Variants in EXOC6B observed in about 807,000 individuals in gnomAD.
The protein encoded by EXOC6B is exocyst complex component 6B, also known as SEC15 homolog B.
EXOC6B carries 54 observed loss-of-function variants against 113.5 expected under a neutral mutation model. The ratio of observed to expected loss-of-function variants is 0.48; its 90% CI spans 0.38 to 0.60. EXOC6B has a LOEUF of 0.60. Among genes scored for constraint, EXOC6B ranks in the 20% least tolerant of loss-of-function variants. EXOC6B has a pLI of 0.00. For synonymous variants in EXOC6B, 357 were observed against 339.0 expected (o/e 1.05, Z -0.58); for missense variants, 797 against 977.5 (o/e 0.82, Z 2.46).
At chr2:72,289,943 A>C (rs1685683047) in intron 20 of EXOC6B, among the ~76,000 whole-genome samples, 1 of 152,210 alleles carries the variant, frequency 6.6e-6, no homozygotes, top group Admixed American at 6.5e-5. Flanking sequence ...AATCAGTTGA[A>C]GGCCTGAAAA....
At chr2:72,631,431 T>C (rs1401374564) in intron 6 of EXOC6B, among the ~76,000 whole-genome samples, 1 of 13,016 alleles carries the variant, frequency 7.7e-5, no homozygotes, top group Admixed American at 1.0e-3. Context: ...TGTGTGTATA[T>C]ATATATATAT....
At chr2:72,265,239 T>TTTTTTATTA (rs369845723) in intron 20 of EXOC6B, among the ~76,000 whole-genome samples, 1 of 146,848 alleles carries the variant, frequency 6.8e-6, no homozygotes, top group African/African-American at 2.5e-5. Context: ...TAACTATTCT[T>TTTTTTATTA]TTATTATTAT....
intron 1 of EXOC6B, among the ~76,000 whole-genome samples, chr2:72,791,233 G>A (rs768979065): frequency 2.1e-4 from 32 of 152,078 alleles, no homozygotes; most frequent in Non-Finnish European, 3.2e-4. Flanking sequence ...GTATTACTCC[G>A]TATCCTACAA....
chr2:72,823,150 T>TA (rs778304758), intron 1 of EXOC6B, among the ~76,000 whole-genome samples: 24,726 of 73,476 alleles, frequency 0.34, 4,206 homozygotes, highest in African/African-American at 0.55. Context: ...TGTAATCTGC[T>TA]AAAAAAAAAA....
intron 6 of EXOC6B, among the ~76,000 whole-genome samples, chr2:72,667,147 G>A (rs770221340): frequency 3.3e-5 from 5 of 152,240 alleles, no homozygotes; most frequent in Admixed American, 1.3e-4. Flanking sequence ...ACAGGCGTGA[G>A]CCATCATGCC....
At position 72,636,635 on chromosome 2, in the gene EXOC6B, T is replaced by C. The variant is rs558070099; in HGVS notation, c.670-60967A>G. Among the ~76,000 whole-genome samples the C allele has an allele frequency of 3.3e-5, 5 of 152,264 alleles. No homozygotes were observed. The East Asian group carries it at 9.7e-4, about 29-fold the overall frequency. The stretch of plus-strand genomic sequence containing the variant: ...AAAAAAATGTTGACAAAATCCAACA[T>C]CCATTCATGATACAAATTCTCAGAA... On this transcript the variant is annotated intron_variant, in intron 6 of 21. Transcript: ENST00000272427.
intron 6 of EXOC6B, among the ~76,000 whole-genome samples, chr2:72,651,033 C>T (rs904204201): frequency 2.0e-4 from 30 of 152,192 alleles, no homozygotes; most frequent in African/African-American, 6.7e-4. Context: ...ACTAGTATCA[C>T]CCAAGTATTC....
chr2:72,761,356 C>T (rs561447742), intron 1 of EXOC6B, among the ~76,000 whole-genome samples: 27 of 152,238 alleles, frequency 1.8e-4, no homozygotes, highest in African/African-American at 6.3e-4. Context: ...TCTACTGTGA[C>T]CCCAATCATC....
intron 17 of EXOC6B, among the ~76,000 whole-genome samples, chr2:72,471,498 T>C (rs1182643027): frequency 6.6e-6 from 1 of 152,212 alleles, no homozygotes; most frequent in Non-Finnish European, 1.5e-5. Context: ...TTGTCTTTTG[T>C]TGCCATTGCT....
At chr2:72,365,338 G>GA (rs529643188) in intron 19 of EXOC6B, among the ~76,000 whole-genome samples, 18 of 151,114 alleles carry the variant, frequency 1.2e-4, no homozygotes, top group Non-Finnish European at 1.9e-4. Context: ...TTTCCAGTGT[G>GA]AAAAAAAAAT....
At chr2:72,573,200 G>C (rs928352060) in intron 7 of EXOC6B, among the ~76,000 whole-genome samples, 11 of 152,110 alleles carry the variant, frequency 7.2e-5, no homozygotes, top group Admixed American at 6.5e-5. Flanking sequence ...TAAGAACTGT[G>C]TATATATTTT....
chr2:72,666,780 GACACACAC>G lies in EXOC6B; in HGVS notation c.669+51315_669+51322del, dbSNP rs71404724. On this transcript the variant is annotated intron_variant, in intron 6 of 21. Coordinates refer to ENST00000272427, the MANE Select transcript of EXOC6B (RefSeq NM_015189.3). Reference sequence around the variant, plus strand: ...CAAGAATGCAATCCCATTTACAATAGACACACACACACACACACACACACACACACACA... The same window carrying G: ...CAAGAATGCAATCCCATTTACAATAGACACACACACACACACACACACACA... Among the ~76,000 whole-genome samples the G allele has an allele frequency of 1.1e-3, 93 of 81,240 alleles. 1 individual carries two copies. In the South Asian group the frequency reaches 0.023, roughly 20 times the overall value. 53.3% of individuals were successfully genotyped at this position (81,240 alleles called of 152,430 possible).
intron 1 of EXOC6B, among the ~76,000 whole-genome samples, chr2:72,767,815 A>AAAAAAAAAAAAAAAAAAAAAAAAC (rs1308289340): frequency 7.5e-6 from 1 of 133,992 alleles, no homozygotes; most frequent in Non-Finnish European, 1.6e-5. Flanking sequence ...TGTTAAAAAA[A>AAAAAAAAAAAAAAAAAAAAAAAAC]AAAAAAAAAA....
At chr2:72,673,498 T>C (rs1011910482) in intron 6 of EXOC6B, among the ~76,000 whole-genome samples, 6 of 152,182 alleles carry the variant, frequency 3.9e-5, no homozygotes. Flanking sequence ...TCTGGTGAAG[T>C]ATATGGTTAA....
At chr2:72,344,889 G>C (rs1689237571) in intron 19 of EXOC6B, among the ~76,000 whole-genome samples, 1 of 151,980 alleles carries the variant, frequency 6.6e-6, no homozygotes, top group Non-Finnish European at 1.5e-5. Flanking sequence ...AGGAGCAGGA[G>C]CAAACAACAA....
chr2:72,695,522 C>T (rs532447666), intron 6 of EXOC6B, among the ~76,000 whole-genome samples: 2 of 151,606 alleles, frequency 1.3e-5, no homozygotes, highest in Non-Finnish European at 2.9e-5. Flanking sequence ...GTCATTGATA[C>T]TTTTTTCAAA....
In EXOC6B at chr2:72,689,585, G is replaced by C. The variant is rs76490414; in HGVS notation, c.669+28518C>G. On this transcript the variant is annotated intron_variant, in intron 6 of 21. Transcript: ENST00000272427. ...GAAGTGAGGTTAGGGGTGAAGACTA[G>C]GTCTGAATGGTTGAATCAATGCTCC... Among the ~76,000 whole-genome samples, 1,520 of 152,278 alleles carry C rather than the reference G, an allele frequency of 1.0e-2. 42 individuals are homozygous for C. The highest frequency in any genetic ancestry group is 0.035 in the African/African-American group (1,462 of 41,540).
rs535864610 is a variant in EXOC6B at position 72,231,518 on chromosome 2, T to C, written c.2197-47331A>G. On this transcript the variant is annotated intron_variant, in intron 20 of 21. Transcript: ENST00000272427. ...AAGGGAAGTTATACATTTGAATACA[T>C]ACAAATTTAAAATAAGTATATAAAA... Among the ~76,000 whole-genome samples, 188 of 152,182 alleles carry C rather than the reference T, an allele frequency of 1.2e-3. 1 individual carries two copies. Among genetic ancestry groups the C allele is most frequent in the Non-Finnish European group, 1.6e-3 (106 of 68,006 alleles).
intron 1 of EXOC6B, among the ~76,000 whole-genome samples, chr2:72,754,562 A>G (rs1398237725): frequency 6.6e-6 from 1 of 151,648 alleles, no homozygotes; most frequent in Non-Finnish European, 1.5e-5. Flanking sequence ...AGTCTCTTGC[A>G]GCATGTATTA....
Sources: gnomAD v4.1 joint callset for allele counts (sites outside exome capture counted in the v4.1 genomes callset) on GRCh38, gnomAD v4.1.1 for gene constraint, MANE v1.5 for transcripts, NCBI Gene and HGNC (gene_info 2026-07-23, HGNC 2026-07-21) for gene names.